Variants in SMARCE1 observed in about 807,000 individuals in gnomAD.
SMARCE1 encodes SWI/SNF related BAF chromatin remodeling complex subunit E1, also known as SWI/SNF-related matrix-associated actin-dependent regulator of chromatin subfamily E member 1.
Under a neutral mutation model 54.9 loss-of-function variants are expected in SMARCE1, and 13 were observed. The ratio of observed to expected loss-of-function variants is 0.24; its 90% CI spans 0.15 to 0.38. The LOEUF (loss-of-function observed/expected upper bound fraction) is 0.38. SMARCE1 is among the 10% of genes least tolerant of loss of function. The pLI, the probability that SMARCE1 is intolerant of heterozygous loss-of-function variation, is 1.00. For missense variants in SMARCE1, 295 were observed against 523.8 expected (o/e 0.56, Z 4.26); for synonymous variants, 151 against 175.3 (o/e 0.86, Z 1.10).
rs1413966538 is a variant in SMARCE1 at position 40,642,102 on chromosome 17, G to C, written c.156+353C>G. On this transcript the variant is annotated intron_variant, in intron 4 of 10. Coordinates refer to ENST00000348513, the MANE Select transcript of SMARCE1 (RefSeq NM_003079.5). This position sits in a 1 kb window ranked among gnomAD's most constrained non-coding sequence, Gnocchi z 4.6. ...CCTCTACTAGAAACTCAATCCTTGA[G>C]ACTAATGCCAATCACCTTATAAAAA... The C allele has an allele frequency of 1.1e-5, 4 of 376,828 alleles. No individual in the cohort carries two copies. Among genetic ancestry groups the C allele is most frequent in the African/African-American group, 2.1e-5 (1 of 46,650 alleles). The allele number at this position is 376,828 out of a possible 1,614,324, so 23.3% of individuals were successfully genotyped here.
intron 4 of SMARCE1, among the ~76,000 whole-genome samples, chr17:40,639,592 A>G (rs2037177891): frequency 6.6e-6 from 1 of 152,152 alleles, no homozygotes; most frequent in African/African-American, 2.4e-5. Flanking sequence ...AGGTACACAA[A>G]TCATCTGTAT....
intron 4 of SMARCE1, chr17:40,641,536 GTTAT>G (rs2037200106): frequency 6.6e-6 from 1 of 152,144 alleles, no homozygotes; most frequent in East Asian, 1.9e-4. Flanking sequence ...GAAGGCACTT[GTTAT>G]TTATGAATAC....
rs2144015593 is a variant in SMARCE1 at position 40,645,777 on chromosome 17, T to C, written c.7+19A>G. On this transcript the variant is annotated intron_variant, in intron 2 of 10. Coordinates refer to ENST00000348513, the MANE Select transcript of SMARCE1 (RefSeq NM_003079.5). ...TCTCTTATTAACATAGATTGATAAA[T>C]ATAAAAATTGAAACTTACTTGACAT... 1.8e-6 allele frequency: 2 copies of C among 1,137,522 alleles called. No individual in the cohort carries two copies. The highest frequency in any genetic ancestry group is 2.1e-5 in the South Asian group (1 of 48,012). The allele number at this position is 1,137,522 out of a possible 1,614,324, so 70.5% of individuals were successfully genotyped here.
At chr17:40,641,597 G>A (rs946695919) in intron 4 of SMARCE1, 2 of 152,142 alleles carry the variant, frequency 1.3e-5, no homozygotes, top group Non-Finnish European at 2.9e-5. Flanking sequence ...ATTCTGGGTT[G>A]TATAAATTCT....
rs879117766 is a variant in SMARCE1 at position 40,631,668 on chromosome 17, T to C, written c.740A>G (p.Gln247Arg). ...CTTCTCCTGGTGTCGTTCCTCTATT[T>C]GAAGAAGTTCAGCTTCTAGTTTTCG... is the stretch of plus-strand genomic sequence containing the variant. ...HQRKLEAELL[Q>R]IEERHQEKKR... Residue 247 changes from glutamine to arginine, a missense_variant, in exon 9 of 11, where the codon CAA (glutamine) becomes CGA (arginine). Around this residue, in one of 5 missense-constraint regions of SMARCE1, gnomAD observed 101 missense variants for 183.1 expected, o/e 0.55. Coordinates refer to ENST00000348513, the MANE Select transcript of SMARCE1 (RefSeq NM_003079.5). The C allele has an allele frequency of 2.5e-6, 4 of 1,610,424 alleles. No homozygotes were observed. Among genetic ancestry groups the C allele is most frequent in the Non-Finnish European group, 3.4e-6 (4 of 1,176,968 alleles).
Position 40,630,790 on chromosome 17 carries a change from G to GTT in SMARCE1, c.950_951insAA (p.Ser317ArgfsTer126). The GTT allele has an allele frequency of 6.2e-7, 1 of 1,614,090 alleles. No individual in the cohort carries two copies. Among genetic ancestry groups the GTT allele is most frequent in the Non-Finnish European group, 8.5e-7 (1 of 1,180,014 alleles). On this transcript the variant is annotated frameshift_variant, in exon 10 of 11. Coordinates refer to ENST00000348513, the MANE Select transcript of SMARCE1 (RefSeq NM_003079.5). LOFTEE classifies it high-confidence loss of function. ...CTGCTTGTTCTTCCTCAGGAACGAT[G>GTT]CTGCTCTGACTGCGCTCAGCTTGCT...
chr17:40,633,621 CT>C (rs2037117954), intron 7 of SMARCE1: 1 of 152,184 alleles, frequency 6.6e-6, no homozygotes, highest in Admixed American at 6.5e-5. Flanking sequence ...AGTTTAGCAC[CT>C]CCCTTATTGT....
At chr17:40,630,599 G>C in intron 10 of SMARCE1, 115 bp downstream of exon 10, 1 of 785,310 alleles carries the variant, frequency 1.3e-6, no homozygotes, top group Non-Finnish European at 2.2e-6. Flanking sequence ...TTTAGTACTG[G>C]GAATCACCCT....
intron 9 of SMARCE1, 22 bp downstream of exon 9, chr17:40,631,570 A>G (rs757844397): frequency 8.6e-7 from 1 of 1,167,738 alleles, no homozygotes; most frequent in Non-Finnish European, 1.3e-6. Flanking sequence ...ATAAAAGTAT[A>G]GTTAACATAT....
Position 40,630,982 on chromosome 17 carries a change from T to C in SMARCE1, c.817-58A>G, listed in dbSNP as rs986909507. 2.1e-6 allele frequency: 3 copies of C among 1,438,098 alleles called. No individual in the cohort carries two copies. In the Admixed American group the frequency reaches 6.2e-5, roughly 30 times the overall value. 89.1% of individuals were successfully genotyped at this position (1,438,098 alleles called of 1,614,324 possible). ...TTTTCCTTATAATTTTTGAGCCAGA[T>C]ATATTCTTTCAAAAGTTGGTTTTCT... On this transcript the variant is annotated intron_variant, in intron 9 of 10. Transcript: ENST00000348513.
At chr17:40,630,247 GAAGT>G in intron 10 of SMARCE1, 2 of 1,543,552 alleles carry the variant, frequency 1.3e-6, no homozygotes, top group Non-Finnish European at 1.8e-6. Context: ...AGTATACCTA[GAAGT>G]AAGGGTTTTT....
At chr17:40,635,803 C>T (rs1003443291) in intron 7 of SMARCE1, 128 bp downstream of exon 7, 1 of 674,022 alleles carries the variant, frequency 1.5e-6, no homozygotes, top group Non-Finnish European at 2.3e-6. Flanking sequence ...AACCAAAATA[C>T]TAAGACGATA....
chr17:40,636,164 T>A (rs754321357), intron 6 of SMARCE1, 62 bp from the exon 7 acceptor site: 1 of 1,358,816 alleles, frequency 7.4e-7, no homozygotes, highest in African/African-American at 1.5e-5. Context: ...TGCAGACCTA[T>A]GTTATCTCAC....
intron 3 of SMARCE1, chr17:40,643,872 T>A (rs1279629651): frequency 6.6e-6 from 1 of 152,330 alleles, no homozygotes. Context: ...ATAAAGCATA[T>A]TTAAGTAGGC....
At chr17:40,634,554 A>G (rs540212650) in intron 7 of SMARCE1, 1 of 152,322 alleles carries the variant, frequency 6.6e-6, no homozygotes, top group African/African-American at 2.4e-5. Context: ...TCCTCTTTCT[A>G]ATCATTTTCG....
intron 10 of SMARCE1, chr17:40,630,194 T>C: frequency 8.3e-7 from 1 of 1,200,122 alleles, no homozygotes; most frequent in Non-Finnish European, 1.2e-6. Context: ...CAAGTTATTA[T>C]TATTATTTTT....
chr17:40,630,724 C>A lies in SMARCE1; in HGVS notation c.1017G>T (p.Pro339=), dbSNP rs372446330. Residue 339 remains proline (P), a synonymous_variant, in exon 10 of 11, where the codon CCG becomes CCT. Coordinates refer to ENST00000348513, the MANE Select transcript of SMARCE1 (RefSeq NM_003079.5). ...GEEKKDDENI[P]METEETHLEE... ...TTGCTAGTGGGTTACCTGTCTCCAT[C>A]GGAATGTTCTCGTCGTCTTTCTTCT... 1 of 1,613,824 alleles carries A rather than the reference C, an allele frequency of 6.2e-7. No individual in the cohort carries two copies. The highest frequency in any genetic ancestry group is 1.3e-5 in the African/African-American group (1 of 74,916).
At position 40,642,369 on chromosome 17, in the gene SMARCE1, C is replaced by A. The variant is rs778467886; in HGVS notation, c.156+86G>T. 3 of 902,704 alleles carry A rather than the reference C, an allele frequency of 3.3e-6. No homozygotes were observed. The highest frequency in any genetic ancestry group is 5.6e-6 in the Non-Finnish European group (3 of 531,126). 55.9% of individuals were successfully genotyped at this position (902,704 alleles called of 1,614,324 possible). Reference sequence around the variant, plus strand: ...AAAAAATTTTTTTTAAATGGCTGTGCTTATGATTCAAAAAGACCTAATTCT... The same window carrying A: ...AAAAAATTTTTTTTAAATGGCTGTGATTATGATTCAAAAAGACCTAATTCT... On this transcript the variant is annotated intron_variant, in intron 4 of 10. Coordinates refer to ENST00000348513, the MANE Select transcript of SMARCE1 (RefSeq NM_003079.5). This position sits in a 1 kb window ranked among gnomAD's most constrained non-coding sequence, Gnocchi z 4.6.
At chr17:40,630,334 G>C in intron 10 of SMARCE1, 1 of 843,320 alleles carries the variant, frequency 1.2e-6, no homozygotes. Flanking sequence ...AGGCCAGGCA[G>C]TTGTTGTTGC....
Sources: gnomAD v4.1 joint callset for allele counts (sites outside exome capture counted in the v4.1 genomes callset) on GRCh38, gnomAD v4.1.1 for gene constraint, gnomAD v4.1.1 regional missense constraint, Gnocchi (gnomAD v3.1) non-coding constraint, MANE v1.5 for transcripts, NCBI Gene and HGNC (gene_info 2026-07-23, HGNC 2026-07-21) for gene names.